Variants in ST6GALNAC3 observed in about 807,000 individuals in gnomAD.
The protein encoded by ST6GALNAC3 is ST6 N-acetylgalactosaminide alpha-2,6-sialyltransferase 3.
A neutral mutation model predicts 32.7 loss-of-function variants in ST6GALNAC3; 25 were observed. That is an observed-to-expected ratio of 0.76 (90% CI 0.56 to 1.07). The LOEUF is 1.07. Among genes scored for constraint, ST6GALNAC3 ranks in the 50% least tolerant of loss-of-function variants. The pLI is 0.00. For synonymous variants in ST6GALNAC3, 129 were observed against 133.1 expected (o/e 0.97, Z 0.21); for missense variants, 355 against 382.4 (o/e 0.93, Z 0.60).
chr1:76,415,171 C>CTTTT (rs71072000), intron 3 of ST6GALNAC3, among the ~76,000 whole-genome samples: 118 of 70,420 alleles, frequency 1.7e-3, no homozygotes, highest in Non-Finnish European at 2.1e-3. Flanking sequence ...GGATTCATGT[C>CTTTT]TTTTTTTTTT....
intron 3 of ST6GALNAC3, among the ~76,000 whole-genome samples, chr1:76,451,424 A>T (rs1657394489): frequency 6.6e-6 from 1 of 152,186 alleles, no homozygotes; most frequent in Non-Finnish European, 1.5e-5. Flanking sequence ...AGCATGGGAG[A>T]AACCTGCCCC....
chr1:76,157,240 C>CA (rs1651512686), intron 1 of ST6GALNAC3, among the ~76,000 whole-genome samples: 1 of 152,210 alleles, frequency 6.6e-6, no homozygotes, highest in Non-Finnish European at 1.5e-5. Flanking sequence ...CATGTGTTCA[C>CA]ACTGACGTTT....
chr1:76,477,432 T>C (rs1659426360), intron 3 of ST6GALNAC3, among the ~76,000 whole-genome samples: 1 of 152,082 alleles, frequency 6.6e-6, no homozygotes, highest in African/African-American at 2.4e-5. Context: ...TTCCTTTTGG[T>C]TGGGGTCAGT....
In ST6GALNAC3 at chr1:76,137,583, C is replaced by G. The variant is rs551368852; in HGVS notation, c.18+62699C>G. On this transcript the variant is annotated intron_variant, in intron 1 of 4. Transcript: ENST00000328299. ...TTCCTCCCACCTACCGTCATGAACT[C>G]CAAGGAGATTATGATTTAATAATCC... is the stretch of plus-strand genomic sequence containing the variant. Among the ~76,000 whole-genome samples, 4 of 152,278 alleles carry G rather than the reference C, an allele frequency of 2.6e-5. No homozygotes were observed. In the East Asian group the frequency reaches 7.7e-4, roughly 29 times the overall value.
chr1:76,574,354 C>T (rs796779895), intron 3 of ST6GALNAC3, among the ~76,000 whole-genome samples: 13 of 152,088 alleles, frequency 8.5e-5, no homozygotes, highest in African/African-American at 3.1e-4. Flanking sequence ...AATTTATCAC[C>T]ACTTAAGTAG....
chr1:76,282,469 C>T (rs1455735465), intron 1 of ST6GALNAC3, among the ~76,000 whole-genome samples: 2 of 151,998 alleles, frequency 1.3e-5, no homozygotes, highest in African/African-American at 4.8e-5. Flanking sequence ...ATTAATATTG[C>T]CTAAAACTCT....
chr1:76,545,894 G>T (rs1664270252), intron 3 of ST6GALNAC3, among the ~76,000 whole-genome samples: 1 of 152,216 alleles, frequency 6.6e-6, no homozygotes, highest in African/African-American at 2.4e-5. Flanking sequence ...CCTGACCTCA[G>T]GTGATCCACC....
intron 3 of ST6GALNAC3, among the ~76,000 whole-genome samples, chr1:76,557,138 G>T (rs982144519): frequency 6.6e-6 from 1 of 151,730 alleles, no homozygotes; most frequent in East Asian, 1.9e-4. Context: ...CCCCCTCCCC[G>T]ACCCTCACCA....
chr1:76,516,471 C>T (rs928864186), intron 3 of ST6GALNAC3, among the ~76,000 whole-genome samples: 25 of 151,972 alleles, frequency 1.6e-4, no homozygotes, highest in African/African-American at 4.6e-4. Context: ...ATATGTCTTT[C>T]GTATAAATGC....
intron 1 of ST6GALNAC3, among the ~76,000 whole-genome samples, chr1:76,244,368 A>C (rs968823071): frequency 6.6e-6 from 1 of 152,174 alleles, no homozygotes; most frequent in Non-Finnish European, 1.5e-5. Flanking sequence ...GGGGTTTTCT[A>C]AATATACAAT....
chr1:76,102,017 A>G (rs1177014775), intron 1 of ST6GALNAC3, among the ~76,000 whole-genome samples: 1 of 151,862 alleles, frequency 6.6e-6, no homozygotes, highest in Admixed American at 6.6e-5. Context: ...TGTTCTTCAG[A>G]TTTTCTGCAT....
At chr1:76,300,612 C>A (rs2100846229) in intron 1 of ST6GALNAC3, among the ~76,000 whole-genome samples, 1 of 152,074 alleles carries the variant, frequency 6.6e-6, no homozygotes. Flanking sequence ...AAGTGGTAAA[C>A]TGATTAGTAT....
chr1:76,537,130 C>G (rs1663661689), intron 3 of ST6GALNAC3, among the ~76,000 whole-genome samples: 1 of 152,118 alleles, frequency 6.6e-6, no homozygotes, highest in Non-Finnish European at 1.5e-5. Context: ...GAAATTGTAA[C>G]AAACAGTCTC....
chr1:76,429,365 A>G (rs1277440597), intron 3 of ST6GALNAC3, among the ~76,000 whole-genome samples: 2 of 152,188 alleles, frequency 1.3e-5, no homozygotes, highest in African/African-American at 2.4e-5. Context: ...GAATTAAACT[A>G]GAAATTTATA....
At chr1:76,379,743 GC>G (rs1177002826) in intron 2 of ST6GALNAC3, among the ~76,000 whole-genome samples, 1 of 152,164 alleles carries the variant, frequency 6.6e-6, no homozygotes, top group Non-Finnish European at 1.5e-5. Flanking sequence ...TTCTCTCCTA[GC>G]CCATCTGCGA....
intron 1 of ST6GALNAC3, among the ~76,000 whole-genome samples, chr1:76,225,051 G>A (rs995194814): frequency 2.0e-5 from 3 of 152,090 alleles, no homozygotes; most frequent in Non-Finnish European, 4.4e-5. Context: ...AGCCAATGCA[G>A]TGACACTTGT....
At chr1:76,321,216 T>C (rs1646961267) in intron 2 of ST6GALNAC3, among the ~76,000 whole-genome samples, 1 of 152,180 alleles carries the variant, frequency 6.6e-6, no homozygotes, top group East Asian at 1.9e-4. Context: ...TGGGACACAC[T>C]GGCAGGAAAG....
chr1:76,321,535 C>T (rs575639053), intron 2 of ST6GALNAC3, among the ~76,000 whole-genome samples: 2 of 152,286 alleles, frequency 1.3e-5, no homozygotes, highest in East Asian at 3.9e-4. Flanking sequence ...TTTACAGCCA[C>T]CACCACCAAA....
At chr1:76,601,347 T>C (rs760286213) in intron 3 of ST6GALNAC3, among the ~76,000 whole-genome samples, 4 of 152,196 alleles carry the variant, frequency 2.6e-5, no homozygotes, top group Non-Finnish European at 5.9e-5. Context: ...ATGAAATGAG[T>C]AATGTAATTT....
Sources: allele counts gnomAD v4.1 joint callset (sites outside exome capture counted in the v4.1 genomes callset), GRCh38; gene constraint gnomAD v4.1.1; transcripts MANE v1.5; gene names NCBI Gene and HGNC (gene_info 2026-07-23, HGNC 2026-07-21).